SESTD1: variants seen among roughly 807,000 people sequenced by gnomAD.
SESTD1 encodes SEC14 and spectrin domain containing 1.
A neutral mutation model predicts 101.7 loss-of-function variants in SESTD1; 43 were observed. The ratio of observed to expected loss-of-function variants is 0.42; its 90% CI spans 0.33 to 0.55. SESTD1 has a LOEUF of 0.55. SESTD1 is among the 20% of genes least tolerant of loss of function. The pLI is 0.07. For synonymous variants in SESTD1, 283 were observed against 286.8 expected (o/e 0.99, Z 0.13); for missense variants, 647 against 815.1 (o/e 0.79, Z 2.51).
rs189254511 is a variant in SESTD1 at position 179,235,092 on chromosome 2, T to C, written c.-26+29407A>G. Among the ~76,000 whole-genome samples the C allele has an allele frequency of 4.4e-4, 67 of 152,330 alleles. 1 individual carries two copies. The East Asian group carries it at 0.012, about 26-fold the overall frequency. On this transcript the variant is annotated intron_variant, in intron 1 of 17. Coordinates refer to ENST00000428443, the MANE Select transcript of SESTD1 (RefSeq NM_178123.5). ...CTAAACCAGGGGAAACAGTTTCTCT[T>C]TCACTTAAAAGGAAATTAGGAAATA...
intron 1 of SESTD1, among the ~76,000 whole-genome samples, chr2:179,232,091 CA>C (rs2105539182): frequency 6.6e-6 from 1 of 151,544 alleles, no homozygotes; most frequent in South Asian, 2.1e-4. Context: ...CAATATTGAC[CA>C]AAAAAAGTGC....
chr2:179,218,286 G>A (rs1281733674), intron 1 of SESTD1, among the ~76,000 whole-genome samples: 1 of 138,532 alleles, frequency 7.2e-6, no homozygotes, highest in Admixed American at 7.1e-5. Context: ...AGAGTAGAAA[G>A]AAAAATACCT....
At chr2:179,114,457 G>A (rs1037555801) in intron 16 of SESTD1, among the ~76,000 whole-genome samples, 4 of 152,126 alleles carry the variant, frequency 2.6e-5, no homozygotes, top group African/African-American at 9.7e-5. Flanking sequence ...GGCTTGGGTA[G>A]AATAAATTCT....
intron 1 of SESTD1, among the ~76,000 whole-genome samples, chr2:179,229,445 C>G (rs941540063): frequency 1.3e-5 from 2 of 152,022 alleles, no homozygotes. Flanking sequence ...ACAGGTCTTC[C>G]CAGGTCTCCA....
intron 10 of SESTD1, among the ~76,000 whole-genome samples, chr2:179,129,876 T>C (rs1432484038): frequency 6.6e-6 from 1 of 152,176 alleles, no homozygotes; most frequent in Non-Finnish European, 1.5e-5. Flanking sequence ...TTTAAAAATA[T>C]GTCAAAAGTG....
chr2:179,245,464 C>A (rs182853726), intron 1 of SESTD1, among the ~76,000 whole-genome samples: 1 of 139,580 alleles, frequency 7.2e-6, no homozygotes, highest in South Asian at 2.2e-4. Context: ...TGCAGTGAGC[C>A]GAGATTGTGC....
chr2:179,123,638 A>G, intron 12 of SESTD1, 77 bp downstream of exon 12: 1 of 929,486 alleles, frequency 1.1e-6, no homozygotes, highest in Non-Finnish European at 1.6e-6. Context: ...GTGTAAGTTG[A>G]CTTAATTGTC....
intron 8 of SESTD1, among the ~76,000 whole-genome samples, chr2:179,145,401 T>C (rs894714399): frequency 1.3e-5 from 2 of 152,126 alleles, no homozygotes; most frequent in South Asian, 2.1e-4. Flanking sequence ...CATCTTAAAA[T>C]TGGAATGACA....
chr2:179,155,709 T>A (rs190545657), intron 5 of SESTD1, among the ~76,000 whole-genome samples: 1 of 152,308 alleles, frequency 6.6e-6, no homozygotes, highest in East Asian at 1.9e-4. Flanking sequence ...AAAATCTCTC[T>A]TTTGAGAAAT....
chr2:179,237,210 T>C (rs2047081544), intron 1 of SESTD1, among the ~76,000 whole-genome samples: 1 of 145,784 alleles, frequency 6.9e-6, no homozygotes, highest in Non-Finnish European at 1.6e-5. Flanking sequence ...GACATGATAA[T>C]CTATATGAAA....
intron 10 of SESTD1, among the ~76,000 whole-genome samples, chr2:179,129,201 T>A (rs147641986): frequency 1.2e-4 from 19 of 152,316 alleles, no homozygotes; most frequent in African/African-American, 4.6e-4. Flanking sequence ...CTCAGCACTA[T>A]GAGATGGTGG....
chr2:179,141,885 A>G (rs961821644), intron 9 of SESTD1, among the ~76,000 whole-genome samples: 3 of 151,480 alleles, frequency 2.0e-5, no homozygotes, highest in Non-Finnish European at 4.4e-5. Context: ...AGTCCATGGA[A>G]AAAGCCACAT....
chr2:179,200,927 C>A (rs1193141730), intron 1 of SESTD1, among the ~76,000 whole-genome samples: 1 of 134,210 alleles, frequency 7.5e-6, no homozygotes, highest in Non-Finnish European at 1.6e-5. Flanking sequence ...CAAATGGGAT[C>A]TAATTAAACT....
intron 8 of SESTD1, among the ~76,000 whole-genome samples, chr2:179,145,647 G>A (rs897997815): frequency 1.3e-5 from 2 of 152,242 alleles, no homozygotes; most frequent in African/African-American, 4.8e-5. Flanking sequence ...CTTGCACTAT[G>A]TGCAAGGCTT....
chr2:179,132,631 T>C (rs968909909), intron 9 of SESTD1, among the ~76,000 whole-genome samples: 1 of 152,242 alleles, frequency 6.6e-6, no homozygotes, highest in African/African-American at 2.4e-5. Context: ...TGGAAGAATG[T>C]ACACTGTAGC....
At position 179,106,563 on chromosome 2, in the gene SESTD1, C is replaced by T. The variant is rs796229231; in HGVS notation, c.*3336G>A. 1.8e-4 allele frequency: 27 copies of T among 152,146 alleles called. 1 individual carries two copies. The highest frequency in any genetic ancestry group is 5.3e-4 in the African/African-American group (22 of 41,520). 9.4% of individuals were successfully genotyped at this position (152,146 alleles called of 1,614,324 possible). A position where few individuals can be genotyped will look rare whatever the true frequency, so the allele number is the denominator to read the frequency against. On this transcript the variant is annotated 3_prime_UTR_variant, in exon 18 of 18. Transcript: ENST00000428443. ...ATTGTCATGCTCACGCTAAGGAGTA[C>T]GACACTAATAATACCACTCCGTATG...
intron 17 of SESTD1, among the ~76,000 whole-genome samples, chr2:179,112,358 G>A (rs1276460201): frequency 6.6e-6 from 1 of 152,132 alleles, no homozygotes; most frequent in Non-Finnish European, 1.5e-5. Context: ...GTTTCACTTG[G>A]TACTTGGCAT....
chr2:179,244,765 C>G (rs2047205860), intron 1 of SESTD1, among the ~76,000 whole-genome samples: 1 of 152,074 alleles, frequency 6.6e-6, no homozygotes, highest in African/African-American at 2.4e-5. Context: ...TGGGAAAATA[C>G]AATAGGCTTC....
At chr2:179,154,274 G>C (rs1050264159) in intron 5 of SESTD1, among the ~76,000 whole-genome samples, 1 of 137,624 alleles carries the variant, frequency 7.3e-6, no homozygotes, top group African/African-American at 2.6e-5. Flanking sequence ...GAAAGGGAAG[G>C]AAGGAAGGGA....
Sources: gnomAD v4.1 joint callset for allele counts (sites outside exome capture counted in the v4.1 genomes callset) on GRCh38, gnomAD v4.1.1 for gene constraint, MANE v1.5 for transcripts, NCBI Gene and HGNC (gene_info 2026-07-23, HGNC 2026-07-21) for gene names.